The following ZBTB40 variants were observed in gnomAD, a reference collection of about 807,000 sequenced individuals.
ZBTB40 encodes the protein zinc finger and BTB domain-containing protein 40.
ZBTB40 carries 60 observed loss-of-function variants against 117.5 expected under a neutral mutation model. The ratio of observed to expected loss-of-function variants is 0.51; its 90% CI spans 0.41 to 0.63. The LOEUF is 0.63. ZBTB40 is among the 30% of genes least tolerant of loss of function. ZBTB40 has a pLI of 0.00. For missense variants in ZBTB40, 1,287 were observed against 1,498.5 expected (o/e 0.86, Z 2.33); for synonymous variants, 525 against 577.1 (o/e 0.91, Z 1.29).
intron 1 of ZBTB40, among the ~76,000 whole-genome samples, chr1:22,457,152 A>G (rs1641023221): frequency 6.6e-6 from 1 of 151,742 alleles, no homozygotes; most frequent in Non-Finnish European, 1.5e-5. Context: ...AAAGAAGAAG[A>G]GGGGAGGGGA....
intron 7 of ZBTB40, 62 bp downstream of exon 7, chr1:22,508,199 A>T: frequency 6.5e-7 from 1 of 1,544,236 alleles, no homozygotes; most frequent in Non-Finnish European, 8.9e-7. Context: ...AAAAAATATG[A>T]ATACACACAC....
At chr1:22,472,499 T>C (rs1641436218) in intron 1 of ZBTB40, among the ~76,000 whole-genome samples, 1 of 152,214 alleles carries the variant, frequency 6.6e-6, no homozygotes, top group Non-Finnish European at 1.5e-5. Flanking sequence ...TATTGAGCTT[T>C]AATTTTAGAC....
chr1:22,465,032 A>AAGTGAAG (rs1482346592), intron 1 of ZBTB40, among the ~76,000 whole-genome samples: 2 of 152,164 alleles, frequency 1.3e-5, no homozygotes, highest in African/African-American at 4.8e-5. Flanking sequence ...TCCTGCATCC[A>AAGTGAAG]GGTATGCAGA....
chr1:22,491,447 G>A lies in ZBTB40; in HGVS notation c.745G>A (p.Gly249Ser). Residue 249 changes from glycine (G) to serine (S), a missense_variant, in exon 3 of 18, where the codon GGT (glycine) becomes AGT (serine). Coordinates refer to ENST00000375647, the MANE Select transcript of ZBTB40 (RefSeq NM_014870.4). Reference sequence around the variant, plus strand: ...GCTGAATTTTCTTCTAGAAAATGAAGGTGTCTTCTCAGATGCACTCATGGT... The same window carrying A: ...GCTGAATTTTCTTCTAGAAAATGAAAGTGTCTTCTCAGATGCACTCATGGT... ...YQLNFLLENE[G>S]VFSDALMVTQ... The A allele has an allele frequency of 1.9e-6, 3 of 1,613,910 alleles. No individual in the cohort carries two copies. Among genetic ancestry groups the A allele is most frequent in the Non-Finnish European group, 2.5e-6 (3 of 1,179,922 alleles).
intron 1 of ZBTB40, among the ~76,000 whole-genome samples, chr1:22,485,020 C>T (rs911630672): frequency 5.9e-5 from 9 of 152,168 alleles, no homozygotes; most frequent in Non-Finnish European, 1.3e-4. Context: ...GTATAATTCT[C>T]TTTAGGCATT....
chr1:22,487,693 G>C (rs1008034809), intron 1 of ZBTB40, among the ~76,000 whole-genome samples: 1 of 151,964 alleles, frequency 6.6e-6, no homozygotes, highest in Admixed American at 6.6e-5. Flanking sequence ...AATAGAGCCC[G>C]TCTCCAGCAT....
intron 5 of ZBTB40, among the ~76,000 whole-genome samples, chr1:22,503,035 GAC>G (rs1638984415): frequency 1.3e-5 from 2 of 151,606 alleles, no homozygotes; most frequent in African/African-American, 4.9e-5. Context: ...TTTCTAACTT[GAC>G]TTTTTACCTA....
intron 1 of ZBTB40, among the ~76,000 whole-genome samples, chr1:22,467,877 T>C (rs1641295138): frequency 6.6e-6 from 1 of 151,428 alleles, no homozygotes; most frequent in African/African-American, 2.4e-5. Context: ...GAGGATCCCT[T>C]GAACCCAGGA....
intron 5 of ZBTB40, 120 bp downstream of exon 5, chr1:22,502,561 T>A: frequency 7.3e-7 from 1 of 1,361,358 alleles, no homozygotes; most frequent in Non-Finnish European, 1.0e-6. Context: ...ATAGTAAGCA[T>A]CTCGAAGTCA....
In ZBTB40 at chr1:22,491,591, C is replaced by T. The variant is rs1638633609; in HGVS notation, c.831+58C>T. 1.9e-6 allele frequency: 3 copies of T among 1,585,690 alleles called. No individual in the cohort carries two copies. The South Asian group carries it at 3.4e-5, about 18-fold the overall frequency. ...AGTTTAGTGTTCTCAGGATACCTTACTAACTTTTTATATGGGGCAGAAATA... is the reference window on the plus strand; with the variant it reads ...AGTTTAGTGTTCTCAGGATACCTTATTAACTTTTTATATGGGGCAGAAATA... On this transcript the variant is annotated intron_variant, in intron 3 of 17. Transcript: ENST00000375647.
chr1:22,513,219 A>G lies in ZBTB40; in HGVS notation c.2668+89A>G. On this transcript the variant is annotated intron_variant, in intron 12 of 17. Coordinates refer to ENST00000375647, the MANE Select transcript of ZBTB40 (RefSeq NM_014870.4). This position sits in a 1 kb window ranked among gnomAD's most constrained non-coding sequence, Gnocchi z 4.9. Reference sequence around the variant, plus strand: ...GGATTAGGTGTGATATATATCTCAAAAACAAAACAATTTGATAGCACAACA... The same window carrying G: ...GGATTAGGTGTGATATATATCTCAAGAACAAAACAATTTGATAGCACAACA... 1 of 1,410,842 alleles carries G rather than the reference A, an allele frequency of 7.1e-7. No individual in the cohort carries two copies. The highest frequency in any genetic ancestry group is 9.7e-7 in the Non-Finnish European group (1 of 1,025,782). 87.4% of individuals were successfully genotyped at this position (1,410,842 alleles called of 1,614,324 possible). A position where few individuals can be genotyped will look rare whatever the true frequency, so the allele number is the denominator to read the frequency against.
chr1:22,502,407 C>A lies in ZBTB40; in HGVS notation c.1133C>A (p.Ala378Asp). Residue 378 changes from alanine (A) to aspartate (D), a missense_variant, in exon 5 of 18, where the codon GCC becomes GAC. Ala to Asp is a moderately radical substitution (Grantham distance 126). Around this residue, in one of 2 missense-constraint regions of ZBTB40, gnomAD observed 870 missense variants for 934.4 expected, o/e 0.93. Coordinates refer to ENST00000375647, the MANE Select transcript of ZBTB40 (RefSeq NM_014870.4). ...LRPIMESLET[A>D]KEEFLTGTEK... ...CCTATTATGGAGTCCCTGGAAACAG[C>A]CAAGGAGGAATTCCTGACTGGCACT... 1.2e-6 allele frequency: 2 copies of A among 1,614,050 alleles called. No individual in the cohort carries two copies. The highest frequency in any genetic ancestry group is 1.7e-6 in the Non-Finnish European group (2 of 1,179,970).
intron 1 of ZBTB40, among the ~76,000 whole-genome samples, chr1:22,443,503 A>G (rs1640756138): frequency 6.6e-6 from 1 of 152,280 alleles, no homozygotes; most frequent in Non-Finnish European, 1.5e-5. Flanking sequence ...AAGTCAGCAG[A>G]AAGAAATGCT....
In ZBTB40 at chr1:22,522,945, C is replaced by CTTTTTTTTTTTTTTTTT. The variant is rs34232963; in HGVS notation, c.3298+486_3298+502dup. Among the ~76,000 whole-genome samples the CTTTTTTTTTTTTTTTTT allele has an allele frequency of 1.1e-4, 10 of 93,908 alleles. 3 individuals carry two copies. The East Asian group carries it at 2.8e-3, about 26-fold the overall frequency. 61.6% of individuals were successfully genotyped at this position (93,908 alleles called of 152,430 possible). A position where few individuals can be genotyped will look rare whatever the true frequency, so the allele number is the denominator to read the frequency against. ...CCATGCTCGACTAAATAAGATGTAC[C>CTTTTTTTTTTTTTTTTT]TTTTTTTTTTTTTTTTTTTTGAGAT... On this transcript the variant is annotated intron_variant, in intron 16 of 17. Coordinates refer to ENST00000375647, the MANE Select transcript of ZBTB40 (RefSeq NM_014870.4).
In ZBTB40 at chr1:22,481,354, C is replaced by T. The variant is rs80216212; in HGVS notation, c.-69-8526C>T. On this transcript the variant is annotated intron_variant, in intron 1 of 17. Transcript: ENST00000375647. ...ATTCATTATGTAGCCATTGACCACC[C>T]TTGAATGTTTTAGGCCTTAACGGTT... is the stretch of plus-strand genomic sequence containing the variant. 9.0e-4 allele frequency among the ~76,000 whole-genome samples: 137 copies of T among 152,218 alleles called. 2 individuals carry two copies. In the East Asian group the frequency reaches 0.023, roughly 26 times the overall value.
At chr1:22,487,470 T>C (rs1459147202) in intron 1 of ZBTB40, among the ~76,000 whole-genome samples, 1 of 152,182 alleles carries the variant, frequency 6.6e-6, no homozygotes, top group African/African-American at 2.4e-5. Flanking sequence ...TAGATGTCTC[T>C]TCCCCTAAAC....
intron 1 of ZBTB40, among the ~76,000 whole-genome samples, chr1:22,476,211 C>T (rs1440791859): frequency 6.6e-6 from 1 of 152,026 alleles, no homozygotes; most frequent in Non-Finnish European, 1.5e-5. Flanking sequence ...CTGTTGTTTC[C>T]TTATAACTTA....
At chr1:22,521,127 G>A (rs1639512797) in intron 14 of ZBTB40, among the ~76,000 whole-genome samples, 1 of 152,248 alleles carries the variant, frequency 6.6e-6, no homozygotes, top group Non-Finnish European at 1.5e-5. Flanking sequence ...ACAGTTGGAA[G>A]GCCTGGGCCT....
chr1:22,500,278 A>C (rs1045550950), intron 3 of ZBTB40, among the ~76,000 whole-genome samples: 3 of 152,210 alleles, frequency 2.0e-5, no homozygotes, highest in Non-Finnish European at 4.4e-5. Flanking sequence ...CATCTAGAAG[A>C]GTCAAGATGA....
Sources: allele counts gnomAD v4.1 joint callset (sites outside exome capture counted in the v4.1 genomes callset), GRCh38; gene constraint gnomAD v4.1.1; regional missense constraint gnomAD v4.1.1; non-coding constraint Gnocchi (gnomAD v3.1); transcripts MANE v1.5; gene names NCBI Gene and HGNC (gene_info 2026-07-23, HGNC 2026-07-21).